Variants in IGF2BP2 observed in about 807,000 individuals in gnomAD.
The protein encoded by IGF2BP2 is insulin like growth factor 2 mRNA binding protein 2, also known as insulin-like growth factor 2 mRNA-binding protein 2.
IGF2BP2 carries 17 observed loss-of-function variants against 75.8 expected under a neutral mutation model. The observed-to-expected ratio is 0.22, with a 90% CI of 0.15 to 0.34. IGF2BP2 has a LOEUF of 0.34. Ranked by LOEUF, IGF2BP2 falls within the 10% of genes least tolerant of loss-of-function variation. The pLI is 1.00. For synonymous variants in IGF2BP2, 288 were observed against 295.6 expected, an observed-to-expected ratio of 0.97 and a Z score of 0.26; for missense variants, 516 against 772.4, an observed-to-expected ratio of 0.67 and a Z score of 3.93.
At chr3:185,811,008 A>C (rs903310175) in intron 2 of IGF2BP2, among the ~76,000 whole-genome samples, 3 of 152,142 alleles carry the variant, frequency 2.0e-5, no homozygotes, top group African/African-American at 7.2e-5. Flanking sequence ...TTTCATAAAC[A>C]TGTATTATGA....
intron 2 of IGF2BP2, among the ~76,000 whole-genome samples, chr3:185,808,076 T>TC (rs1739263922): frequency 6.7e-6 from 1 of 149,524 alleles, no homozygotes; most frequent in Non-Finnish European, 1.5e-5. Context: ...GCCTGGGAGT[T>TC]CGAGTCCAGC....
At chr3:185,747,399 C>T (rs2149603989) in intron 2 of IGF2BP2, among the ~76,000 whole-genome samples, 1 of 152,228 alleles carries the variant, frequency 6.6e-6, no homozygotes, top group South Asian at 2.1e-4. Context: ...AAAATATAGA[C>T]TGGGTGCAGT....
intron 2 of IGF2BP2, among the ~76,000 whole-genome samples, chr3:185,792,564 G>C (rs1315298208): frequency 3.3e-5 from 5 of 151,720 alleles, no homozygotes; most frequent in Admixed American, 6.6e-5. Context: ...AGGAGTTCAA[G>C]ACCAGCCTGG....
chr3:185,676,059 C>A, intron 7 of IGF2BP2, 146 bp from the exon 8 acceptor site: 1 of 945,676 alleles, frequency 1.1e-6, no homozygotes, highest in East Asian at 2.6e-5. Context: ...TCAGGTCCCT[C>A]ACCGACCCCA....
chr3:185,713,259 T>C, intron 2 of IGF2BP2: 1 of 352,772 alleles, frequency 2.8e-6, no homozygotes, highest in Non-Finnish European at 5.6e-6. Flanking sequence ...AACTCAGATG[T>C]TGGTTAATTA....
chr3:185,798,996 G>A (rs528844306), intron 2 of IGF2BP2, among the ~76,000 whole-genome samples: 6 of 151,596 alleles, frequency 4.0e-5, no homozygotes, highest in South Asian at 2.1e-4. Context: ...GGCTGGTCTC[G>A]AATTCCTAGG....
In IGF2BP2 at chr3:185,734,367, C is replaced by A. The variant is rs1298506665; in HGVS notation, c.240-36020G>T. 2.0e-5 allele frequency among the ~76,000 whole-genome samples: 3 copies of A among 152,138 alleles called. No individual in the cohort carries two copies. In the South Asian group the frequency reaches 6.2e-4, roughly 31 times the overall value. On this transcript the variant is annotated intron_variant, in intron 2 of 15. Transcript: ENST00000382199. ...GTCAGAGAGATCATAATGCTAGAGC[C>A]CAAATGCAAACTCACGTTGTCTAGT...
chr3:185,658,528 T>C, intron 10 of IGF2BP2, 119 bp from the exon 11 acceptor site: 1 of 770,668 alleles, frequency 1.3e-6, no homozygotes. Flanking sequence ...GGCTCCACTG[T>C]CGTGTCTACA....
At chr3:185,823,234 C>A in intron 1 of IGF2BP2, 21 bp from the exon 2 acceptor site, 1 of 1,589,834 alleles carries the variant, frequency 6.3e-7, no homozygotes, top group Non-Finnish European at 8.6e-7. Flanking sequence ...GAAATTAAAG[C>A]ACTCAGAACC....
Position 185,672,603 on chromosome 3 carries a change from C to T in IGF2BP2, c.1138G>A (p.Val380Met), listed in dbSNP as rs766769853. The T allele has an allele frequency of 1.9e-5, 31 of 1,613,482 alleles. No homozygotes were observed. The highest frequency in any genetic ancestry group is 6.7e-5 in the East Asian group (3 of 44,892). ...CGGGGCCCTGCTGGTGGAGATAGCACGGACAGTCCTGTTGAAAAGATGCCA... is the reference window on the plus strand; with the variant it reads ...CGGGGCCCTGCTGGTGGAGATAGCATGGACAGTCCTGTTGAAAAGATGCCA... ...ALGIFSTGLS[V>M]LSPPAGPRGA... is the part of the protein sequence containing the mutation. Residue 380 changes from valine (V) to methionine (M), a missense_variant, in exon 10 of 16, where the codon GTG (valine) becomes ATG (methionine). This residue lies in a region of IGF2BP2 where 75 missense variants were observed against 67.4 expected (regional missense o/e 1.11). Transcript: ENST00000382199.
At chr3:185,661,942 G>C (rs1716513602) in intron 10 of IGF2BP2, among the ~76,000 whole-genome samples, 1 of 152,142 alleles carries the variant, frequency 6.6e-6, no homozygotes, top group Non-Finnish European at 1.5e-5. Context: ...GGTTCTAGGA[G>C]GTCCAGAGCT....
chr3:185,815,283 G>A (rs1740454236), intron 2 of IGF2BP2, among the ~76,000 whole-genome samples: 1 of 152,050 alleles, frequency 6.6e-6, no homozygotes, highest in South Asian at 2.1e-4. Flanking sequence ...CTGAACTTGA[G>A]TTCCTAATCT....
intron 2 of IGF2BP2, among the ~76,000 whole-genome samples, chr3:185,709,009 T>C (rs1388108262): frequency 6.6e-6 from 1 of 152,198 alleles, no homozygotes; most frequent in African/African-American, 2.4e-5. Context: ...TTTAGAGAAG[T>C]GATTAGTCAC....
At chr3:185,683,888 C>T (rs950470211) in intron 7 of IGF2BP2, among the ~76,000 whole-genome samples, 2 of 152,146 alleles carry the variant, frequency 1.3e-5, no homozygotes, top group African/African-American at 2.4e-5. Flanking sequence ...TGCTGAGGAA[C>T]GTAGAGCAGA....
In IGF2BP2 at chr3:185,645,666, A is replaced by G. The variant is rs1484950747; in HGVS notation, c.1708-43T>C. On this transcript the variant is annotated intron_variant, in intron 15 of 15. Coordinates refer to ENST00000382199, the MANE Select transcript of IGF2BP2 (RefSeq NM_006548.6). This position sits in a 1 kb window ranked among gnomAD's most constrained non-coding sequence, Gnocchi z 4.9. Reference sequence around the variant, plus strand: ...AGGGAGAGGAAGGGACAGGGGAAAAAAGGAACCCAGTTCTGAGGACAAACG... The same window carrying G: ...AGGGAGAGGAAGGGACAGGGGAAAAGAGGAACCCAGTTCTGAGGACAAACG... 1 of 1,504,138 alleles carries G rather than the reference A, an allele frequency of 6.6e-7. No homozygotes were observed. Among genetic ancestry groups the G allele is most frequent in the Non-Finnish European group, 9.3e-7 (1 of 1,079,806 alleles). The allele number at this position is 1,504,138 out of a possible 1,614,324, so 93.2% of individuals were successfully genotyped here.
chr3:185,655,434 T>C (rs1715277497), intron 12 of IGF2BP2, among the ~76,000 whole-genome samples: 2 of 152,242 alleles, frequency 1.3e-5, no homozygotes, highest in Non-Finnish European at 2.9e-5. Context: ...CCCGGCTGAC[T>C]GATTTTAAAA....
intron 10 of IGF2BP2, among the ~76,000 whole-genome samples, chr3:185,662,568 T>A (rs1280919267): frequency 7.6e-6 from 1 of 131,470 alleles, no homozygotes; most frequent in Non-Finnish European, 1.6e-5. Context: ...TTTTTTAAGA[T>A]GGACTAGCTC....
intron 12 of IGF2BP2, among the ~76,000 whole-genome samples, chr3:185,656,526 C>G (rs1365043641): frequency 6.6e-6 from 1 of 152,222 alleles, no homozygotes; most frequent in Non-Finnish European, 1.5e-5. Context: ...ATTTGGAATT[C>G]TGGGTTGTCC....
intron 10 of IGF2BP2, among the ~76,000 whole-genome samples, chr3:185,662,236 G>A (rs1716566878): frequency 6.6e-6 from 1 of 152,088 alleles, no homozygotes; most frequent in Admixed American, 6.5e-5. Context: ...CCAGCACTTT[G>A]GGAGGCCGAG....
Sources: allele counts gnomAD v4.1 joint callset (sites outside exome capture counted in the v4.1 genomes callset), GRCh38; gene constraint gnomAD v4.1.1; regional missense constraint gnomAD v4.1.1; non-coding constraint Gnocchi (gnomAD v3.1); transcripts MANE v1.5; gene names NCBI Gene and HGNC (gene_info 2026-07-23, HGNC 2026-07-21).